Variants in CNTN5 observed in about 807,000 individuals in gnomAD.
CNTN5 encodes contactin-5.
Under a neutral mutation model 129.1 loss-of-function variants are expected in CNTN5, and 77 were observed. That is an observed-to-expected ratio of 0.60 (90% CI 0.50 to 0.72). The LOEUF (loss-of-function observed/expected upper bound fraction) is 0.72. CNTN5 is among the 30% of genes least tolerant of loss of function. The probability of loss-of-function intolerance (pLI) is 0.00; values close to 1 mark genes in which losing one functional copy is unlikely to be tolerated. For missense variants in CNTN5, 1,478 were observed against 1,328.8 expected (o/e 1.11, Z -1.75); for synonymous variants, 509 against 465.6 (o/e 1.09, Z -1.20).
At chr11:100,101,268 G>A (rs1200836245) in intron 13 of CNTN5, among the ~76,000 whole-genome samples, 1 of 152,082 alleles carries the variant, frequency 6.6e-6, no homozygotes, top group African/African-American at 2.4e-5. Context: ...TGCAAGTTCA[G>A]TGGAAAAGAC....
intron 2 of CNTN5, among the ~76,000 whole-genome samples, chr11:99,356,987 G>A (rs1377772723): frequency 6.6e-6 from 1 of 152,044 alleles, no homozygotes; most frequent in Non-Finnish European, 1.5e-5. Context: ...TATAGAAAAA[G>A]GAAACTAACA....
At chr11:99,600,711 G>T (rs1179993717) in intron 3 of CNTN5, among the ~76,000 whole-genome samples, 2 of 152,042 alleles carry the variant, frequency 1.3e-5, no homozygotes, top group African/African-American at 4.8e-5. Flanking sequence ...TTTATACAAG[G>T]TTATCCACCA....
chr11:99,647,801 A>G (rs1259267909), intron 3 of CNTN5, among the ~76,000 whole-genome samples: 2 of 148,950 alleles, frequency 1.3e-5, no homozygotes, highest in Non-Finnish European at 3.0e-5. Flanking sequence ...TTTTTTTTGT[A>G]TCTATACTAA....
intron 2 of CNTN5, among the ~76,000 whole-genome samples, chr11:99,452,349 G>A (rs1944333819): frequency 1.4e-5 from 2 of 142,250 alleles, no homozygotes; most frequent in South Asian, 4.7e-4. Context: ...AGAAAAAATT[G>A]AAGTTTATAT....
intron 9 of CNTN5, among the ~76,000 whole-genome samples, chr11:100,002,705 A>T (rs1193045386): frequency 6.6e-6 from 1 of 152,124 alleles, no homozygotes; most frequent in African/African-American, 2.4e-5. Context: ...TTTAATGATT[A>T]TATTTCTGAG....
At chr11:99,689,292 C>G (rs1188110446) in intron 3 of CNTN5, among the ~76,000 whole-genome samples, 1 of 152,082 alleles carries the variant, frequency 6.6e-6, no homozygotes. Context: ...TTTAGGGAGG[C>G]CAAGGCGGGC....
At chr11:99,413,314 G>A (rs1326391812) in intron 2 of CNTN5, among the ~76,000 whole-genome samples, 1 of 152,150 alleles carries the variant, frequency 6.6e-6, no homozygotes, top group Non-Finnish European at 1.5e-5. Context: ...AGTGTGACAA[G>A]TTATCATTAA....
intron 1 of CNTN5, among the ~76,000 whole-genome samples, chr11:99,314,279 A>G (rs1343472877): frequency 6.6e-6 from 1 of 152,062 alleles, no homozygotes; most frequent in Non-Finnish European, 1.5e-5. Flanking sequence ...AAATATTTTA[A>G]GGAACTGAAA....
chr11:100,263,129 T>G (rs1368827491), intron 17 of CNTN5, among the ~76,000 whole-genome samples: 2 of 152,164 alleles, frequency 1.3e-5, no homozygotes, highest in Admixed American at 6.6e-5. Context: ...ACTTACTGGA[T>G]AGTTACTAGA....
At chr11:99,770,810 A>G (rs564213287) in intron 3 of CNTN5, among the ~76,000 whole-genome samples, 2 of 152,308 alleles carry the variant, frequency 1.3e-5, no homozygotes, top group South Asian at 4.1e-4. Flanking sequence ...AAAAAATCAT[A>G]AAATTTGTAT....
At chr11:99,564,529 T>A (rs903211913) in intron 3 of CNTN5, among the ~76,000 whole-genome samples, 5 of 152,180 alleles carry the variant, frequency 3.3e-5, no homozygotes, top group Non-Finnish European at 5.9e-5. Context: ...AAAAAGAACT[T>A]TAAAACTCTG....
intron 1 of CNTN5, among the ~76,000 whole-genome samples, chr11:99,251,522 A>G (rs1010440688): frequency 2.0e-5 from 3 of 151,910 alleles, no homozygotes; most frequent in Non-Finnish European, 4.4e-5. Context: ...CTAGTAATTT[A>G]TACAATAAAT....
At chr11:99,499,308 T>A (rs574455634) in intron 2 of CNTN5, among the ~76,000 whole-genome samples, 3 of 152,176 alleles carry the variant, frequency 2.0e-5, no homozygotes, top group East Asian at 3.9e-4. Flanking sequence ...TGTGATAGTA[T>A]GTAGACGTGA....
intron 20 of CNTN5, among the ~76,000 whole-genome samples, chr11:100,306,353 C>A (rs563890278): frequency 1.3e-5 from 2 of 151,672 alleles, no homozygotes; most frequent in East Asian, 3.9e-4. Flanking sequence ...GAAATAATTC[C>A]TTTCTTTGGA....
intron 8 of CNTN5, among the ~76,000 whole-genome samples, chr11:99,970,994 G>A (rs528399995): frequency 1.3e-5 from 2 of 152,232 alleles, no homozygotes; most frequent in African/African-American, 4.8e-5. Context: ...ATTTGCCAAA[G>A]ATCATGAAAT....
rs199552456 is a variant in CNTN5 at position 100,002,127 on chromosome 11, C to T, written c.971C>T (p.Ala324Val). The T allele has an allele frequency of 1.3e-6, 2 of 1,564,448 alleles. No homozygotes were observed. Among genetic ancestry groups the T allele is most frequent in the Non-Finnish European group, 1.7e-6 (2 of 1,161,470 alleles). ...ACAACTGTTAAGATGGAATGCTTTG[C>T]ACTTGGCAAGTAAGTACATGTTCTT... ...KGTTVKMECFALGNPVPTITW... is the reference protein window; with the variant it reads ...KGTTVKMECFVLGNPVPTITW... The change falls in exon 9 of 25, where the codon GCA (alanine) becomes GTA (valine). Residue 324 changes from alanine (A) to valine (V), a missense_variant. Physicochemically the swap from Ala to Val is moderately conservative, Grantham distance 64. Transcript: ENST00000524871.
intron 1 of CNTN5, among the ~76,000 whole-genome samples, chr11:99,291,515 TA>T (rs1864169371): frequency 6.6e-6 from 1 of 151,930 alleles, no homozygotes; most frequent in Admixed American, 6.6e-5. Flanking sequence ...ATTTTATTTC[TA>T]AAAAATGTGC....
intron 3 of CNTN5, among the ~76,000 whole-genome samples, chr11:99,817,038 C>T (rs1946610385): frequency 6.6e-6 from 1 of 152,166 alleles, no homozygotes; most frequent in Non-Finnish European, 1.5e-5. Context: ...GTTTTCTCTA[C>T]CCATGCGGGG....
intron 7 of CNTN5, among the ~76,000 whole-genome samples, chr11:99,936,120 C>G (rs545010837): frequency 2.2e-4 from 34 of 152,280 alleles, no homozygotes; most frequent in African/African-American, 7.9e-4. Flanking sequence ...CAGCTCTAGT[C>G]TCTCTTCAAT....
Sources: gnomAD v4.1 joint callset for allele counts (sites outside exome capture counted in the v4.1 genomes callset) on GRCh38, gnomAD v4.1.1 for gene constraint, MANE v1.5 for transcripts, NCBI Gene and HGNC (gene_info 2026-07-23, HGNC 2026-07-21) for gene names.